Variants in ZNF682 observed in about 807,000 individuals in gnomAD.
The protein encoded by ZNF682 is zinc finger protein 682.
Under a neutral mutation model 36.5 loss-of-function variants are expected in ZNF682, and 29 were observed. That is an observed-to-expected ratio of 0.80 (90% CI 0.59 to 1.08). The LOEUF (loss-of-function observed/expected upper bound fraction) is 1.08. ZNF682 is among the 50% of genes least tolerant of loss of function. ZNF682 has a pLI of 0.00. For synonymous variants in ZNF682, 180 were observed against 197.0 expected, an observed-to-expected ratio of 0.91 and a Z score of 0.72; for missense variants, 561 against 579.7, an observed-to-expected ratio of 0.97 and a Z score of 0.33.
intron 3 of ZNF682, among the ~76,000 whole-genome samples, chr19:20,009,319 T>C (rs879268962): frequency 2.0e-5 from 3 of 151,906 alleles, no homozygotes; most frequent in Non-Finnish European, 4.4e-5. Context: ...AGTCAGAAGA[T>C]AGTAAAGAAA....
chr19:20,000,015 A>G (rs1192237806), downstream of ZNF682, among the ~76,000 whole-genome samples: 1 of 152,204 alleles, frequency 6.6e-6, no homozygotes, highest in Non-Finnish European at 1.5e-5. Context: ...TGTCTCTTCT[A>G]TTATAAAACC....
intron 1 of ZNF682, among the ~76,000 whole-genome samples, chr19:20,028,165 C>T (rs1025033364): frequency 3.3e-5 from 5 of 152,248 alleles, no homozygotes; most frequent in South Asian, 2.1e-4. Context: ...CTTTAATATT[C>T]GGAGAAATCA....
intron 3 of ZNF682, among the ~76,000 whole-genome samples, chr19:20,018,146 T>C (rs1277904250): frequency 6.1e-5 from 8 of 130,658 alleles, no homozygotes; most frequent in Non-Finnish European, 9.3e-5. Flanking sequence ...CAGGCTGGAG[T>C]GCAGTGGCGG....
intron 1 of ZNF682, chr19:20,039,054 A>G (rs947745166): frequency 4.9e-5 from 55 of 1,113,152 alleles, no homozygotes; most frequent in Non-Finnish European, 5.9e-5. Context: ...GGACGCTTCC[A>G]TTGTCCCCGC....
downstream of ZNF682, among the ~76,000 whole-genome samples, chr19:20,002,136 G>A (rs994603134): frequency 6.6e-6 from 1 of 152,104 alleles, no homozygotes; most frequent in African/African-American, 2.4e-5. Flanking sequence ...AGGCTGGAGT[G>A]CAGTGGTGTG....
intron 1 of ZNF682, among the ~76,000 whole-genome samples, chr19:20,038,181 G>A (rs2048123971): frequency 6.6e-6 from 1 of 152,178 alleles, no homozygotes; most frequent in Admixed American, 6.5e-5. Context: ...AAAGATTAAA[G>A]GGAGATTGGC....
At chr19:20,021,343 G>A (rs1345884719) in intron 3 of ZNF682, among the ~76,000 whole-genome samples, 1 of 152,138 alleles carries the variant, frequency 6.6e-6, no homozygotes, top group Non-Finnish European at 1.5e-5. Flanking sequence ...CATGAGGCCA[G>A]GGGTTTGAGA....
At chr19:20,033,724 A>C (rs2110124) in intron 1 of ZNF682, 119,876 of 152,168 alleles carry the variant, frequency 0.79, 47,364 homozygotes, top group Middle Eastern at 0.87. Flanking sequence ...GGCTAATTTT[A>C]TGTATTTTTA....
At chr19:20,001,969 T>C (rs1599599359), downstream of ZNF682, among the ~76,000 whole-genome samples, 1 of 152,280 alleles carries the variant, frequency 6.6e-6, no homozygotes, top group South Asian at 2.1e-4. Flanking sequence ...TTTTACATCA[T>C]GGGGTCAGTA....
At chr19:20,034,824 C>T (rs1204724810) in intron 1 of ZNF682, among the ~76,000 whole-genome samples, 4 of 151,870 alleles carry the variant, frequency 2.6e-5, no homozygotes, top group Admixed American at 1.3e-4. Context: ...AGGTCAGGCC[C>T]GGTGGCTCAT....
Position 20,007,247 on chromosome 19 carries a change from A to G in ZNF682, c.255T>C (p.Leu85=), listed in dbSNP as rs1485651295. The change falls in exon 4 of 4, where the codon CTT becomes CTC. Residue 85 remains leucine (L), a synonymous_variant. Transcript: ENST00000397165. ...AATCTTGCATGCACTGTTCTGGCAA[A>G]AGGTCTTCAGTGTAATGAGAAGACA... ...PAMSSHYTED[L]LPEQCMQDSF... is the part of the protein sequence containing the mutation. The G allele has an allele frequency of 6.8e-6, 11 of 1,611,980 alleles. No individual in the cohort carries two copies. Among genetic ancestry groups the G allele is most frequent in the Non-Finnish European group, 9.3e-6 (11 of 1,179,402 alleles).
At chr19:20,018,647 A>G (rs1372225710) in intron 3 of ZNF682, among the ~76,000 whole-genome samples, 1 of 152,248 alleles carries the variant, frequency 6.6e-6, no homozygotes, top group East Asian at 1.9e-4. Flanking sequence ...TTTTTCAACA[A>G]ATGATGTTGA....
At chr19:20,036,148 AG>A (rs1346932244) in intron 1 of ZNF682, among the ~76,000 whole-genome samples, 2 of 152,198 alleles carry the variant, frequency 1.3e-5, no homozygotes, top group African/African-American at 4.8e-5. Flanking sequence ...GCGTACTCTG[AG>A]CTGGTCTTGC....
At chr19:20,036,352 C>T (rs1297671160) in intron 1 of ZNF682, among the ~76,000 whole-genome samples, 1 of 150,676 alleles carries the variant, frequency 6.6e-6, no homozygotes, top group Non-Finnish European at 1.5e-5. Flanking sequence ...AGTTTTGCTC[C>T]TATTGCCCAG....
downstream of ZNF682, among the ~76,000 whole-genome samples, chr19:20,004,227 T>C (rs1234111679): frequency 6.6e-6 from 1 of 152,166 alleles, no homozygotes; most frequent in South Asian, 2.1e-4. Context: ...ATAATAAAAA[T>C]GTAACCTATG....
chr19:20,003,174 G>C (rs1433287638), downstream of ZNF682, among the ~76,000 whole-genome samples: 3 of 87,186 alleles, frequency 3.4e-5, no homozygotes, highest in Admixed American at 2.0e-4. Context: ...GTGGGCGACA[G>C]AGCAAGACTC....
downstream of ZNF682, among the ~76,000 whole-genome samples, chr19:20,001,474 G>A (rs1599599219): frequency 6.6e-6 from 1 of 152,142 alleles, no homozygotes; most frequent in Non-Finnish European, 1.5e-5. Flanking sequence ...CCATAAGTGA[G>A]GCTCTTCCCC....
chr19:20,033,272 C>CA (rs149091342), intron 1 of ZNF682, among the ~76,000 whole-genome samples: 8,884 of 151,554 alleles, frequency 0.059, 371 homozygotes, highest in South Asian at 0.11. Context: ...GACTCCGTCT[C>CA]AAAAAAACAA....
At chr19:19,998,435 A>G (rs1358142824) in intron 3 of ZNF682, among the ~76,000 whole-genome samples, 1 of 152,188 alleles carries the variant, frequency 6.6e-6, no homozygotes, top group African/African-American at 2.4e-5. Flanking sequence ...AAGCAGAAGG[A>G]TGGAGAATCT....
Sources: gnomAD v4.1 joint callset for allele counts (sites outside exome capture counted in the v4.1 genomes callset) on GRCh38, gnomAD v4.1.1 for gene constraint, MANE v1.5 for transcripts, NCBI Gene and HGNC (gene_info 2026-07-23, HGNC 2026-07-21) for gene names.